The following CD47 variants were observed in gnomAD, a reference collection of about 807,000 sequenced individuals.
CD47 encodes the protein CD47 molecule.
CD47 carries 11 observed loss-of-function variants against 44.6 expected under a neutral mutation model. That is an observed-to-expected ratio of 0.25 (90% CI 0.16 to 0.41). The LOEUF is 0.41. Among genes scored for constraint, CD47 ranks in the 10% least tolerant of loss-of-function variants. The pLI, the probability that CD47 is intolerant of heterozygous loss-of-function variation, is 1.00. For synonymous variants in CD47, 140 were observed against 136.3 expected, an observed-to-expected ratio of 1.03 and a Z score of -0.19; for missense variants, 306 against 386.7, an observed-to-expected ratio of 0.79 and a Z score of 1.75.
At chr3:108,049,532 A>C (rs1245263739) in intron 10 of CD47, 87 bp downstream of exon 10, 1 of 820,050 alleles carries the variant, frequency 1.2e-6, no homozygotes, top group Non-Finnish European at 2.1e-6. Flanking sequence ...TTTTACTAAA[A>C]AAGAGCCACA....
At chr3:108,065,811 C>CAAAAAAAAAAAAAAAAAAAAAAAAAAA (rs58021560) in intron 3 of CD47, among the ~76,000 whole-genome samples, 1 of 61,168 alleles carries the variant, frequency 1.6e-5, no homozygotes, top group Non-Finnish European at 2.9e-5. Context: ...GACTCCGTCT[C>CAAAAAAAAAAAAAAAAAAAAAAAAAAA]AAAAAAAAAA....
chr3:108,084,894 C>T (rs915507414), intron 1 of CD47, among the ~76,000 whole-genome samples: 10 of 152,006 alleles, frequency 6.6e-5, no homozygotes, highest in African/African-American at 2.4e-4. Flanking sequence ...CCCTTCTAAC[C>T]AGCTCCCTGC....
chr3:108,079,199 T>C (rs562812260), intron 2 of CD47, among the ~76,000 whole-genome samples: 1 of 151,986 alleles, frequency 6.6e-6, no homozygotes, highest in Non-Finnish European at 1.5e-5. Context: ...TAATTCTAAA[T>C]AGAGATTTCA....
chr3:108,063,881 A>T (rs539961673), intron 3 of CD47, among the ~76,000 whole-genome samples: 111 of 152,354 alleles, frequency 7.3e-4, no homozygotes, highest in African/African-American at 2.6e-3. Context: ...TTAACAAAAA[A>T]TGTATAACCT....
At chr3:108,087,886 T>C (rs931365321) in intron 1 of CD47, among the ~76,000 whole-genome samples, 5 of 152,188 alleles carry the variant, frequency 3.3e-5, no homozygotes, top group African/African-American at 7.2e-5. Context: ...TCTAGGTATA[T>C]CAGAATCAAA....
At chr3:108,079,806 G>T (rs1482180811) in intron 2 of CD47, among the ~76,000 whole-genome samples, 185 bp downstream of exon 2, 1 of 151,798 alleles carries the variant, frequency 6.6e-6, no homozygotes, top group Admixed American at 6.6e-5. Context: ...GTTTTACCAT[G>T]AAGAGTAGAT....
chr3:108,073,647 T>C (rs746056508), intron 2 of CD47, among the ~76,000 whole-genome samples: 45 of 152,162 alleles, frequency 3.0e-4, no homozygotes, highest in Non-Finnish European at 5.0e-4. Flanking sequence ...GGCAAGACCA[T>C]GTAGAGTCTT....
intron 3 of CD47, among the ~76,000 whole-genome samples, chr3:108,065,608 C>T (rs1392436565): frequency 6.6e-6 from 1 of 151,686 alleles, no homozygotes; most frequent in African/African-American, 2.4e-5. Flanking sequence ...GTCAGGAGTT[C>T]GAGACCAGCC....
intron 3 of CD47, among the ~76,000 whole-genome samples, chr3:108,063,476 T>G (rs2079054770): frequency 6.6e-6 from 1 of 152,200 alleles, no homozygotes; most frequent in Non-Finnish European, 1.5e-5. Flanking sequence ...GGTATCTTGT[T>G]GCTAGCCCAG....
At chr3:108,059,373 A>T (rs1025600672) in intron 5 of CD47, 79 bp downstream of exon 5, 3 of 643,466 alleles carry the variant, frequency 4.7e-6, no homozygotes, top group African/African-American at 3.9e-5. Flanking sequence ...TAAAAAATTT[A>T]TATGAGCATT....
chr3:108,055,100 G>A (rs949304107), intron 7 of CD47, among the ~76,000 whole-genome samples: 13 of 151,872 alleles, frequency 8.6e-5, no homozygotes, highest in African/African-American at 2.9e-4. Context: ...AGTTTAAAAA[G>A]TTAAAAAATA....
At chr3:108,090,840 G>C in intron 1 of CD47, 23 bp downstream of exon 1, 2 of 1,484,330 alleles carry the variant, frequency 1.3e-6, no homozygotes, top group Non-Finnish European at 1.8e-6. Flanking sequence ...CAGCCGCAGG[G>C]CTGGGAGCGA....
intron 3 of CD47, among the ~76,000 whole-genome samples, chr3:108,067,616 T>C (rs998289186): frequency 1.3e-5 from 2 of 152,198 alleles, no homozygotes; most frequent in African/African-American, 4.8e-5. Flanking sequence ...CGTCTGAAAT[T>C]CAATACTATC....
At chr3:108,052,255 G>T in intron 7 of CD47, 1 of 286,520 alleles carries the variant, frequency 3.5e-6, no homozygotes. Flanking sequence ...TGTTACACTG[G>T]CTGGTGGGAA....
chr3:108,051,518 A>G (rs1445338227), intron 8 of CD47, among the ~76,000 whole-genome samples: 1 of 152,194 alleles, frequency 6.6e-6, no homozygotes, highest in Non-Finnish European at 1.5e-5. Context: ...ATTTACATTT[A>G]TTTTATAGAT....
chr3:108,083,418 CA>C (rs1226808793), intron 1 of CD47, among the ~76,000 whole-genome samples: 8 of 151,956 alleles, frequency 5.3e-5, no homozygotes. Context: ...AAAATGCAAT[CA>C]ACATTTGTCA....
At chr3:108,058,164 T>C (rs2078946925) in intron 6 of CD47, among the ~76,000 whole-genome samples, 173 bp downstream of exon 6, 1 of 151,786 alleles carries the variant, frequency 6.6e-6, no homozygotes, top group Non-Finnish European at 1.5e-5. Flanking sequence ...TATGTCCACA[T>C]AAAAATATCC....
intron 6 of CD47, among the ~76,000 whole-genome samples, chr3:108,057,985 G>A (rs934545199): frequency 6.6e-6 from 1 of 152,150 alleles, no homozygotes; most frequent in African/African-American, 2.4e-5. Context: ...AGCTCAGAAT[G>A]CTAAATGCTG....
intron 1 of CD47, among the ~76,000 whole-genome samples, chr3:108,085,890 T>C (rs2079511799): frequency 6.6e-6 from 1 of 152,184 alleles, no homozygotes. Flanking sequence ...ATAGACTTGA[T>C]TATGAAATCA....
Sources: allele counts gnomAD v4.1 joint callset (sites outside exome capture counted in the v4.1 genomes callset), GRCh38; gene constraint gnomAD v4.1.1; transcripts MANE v1.5; gene names NCBI Gene and HGNC (gene_info 2026-07-23, HGNC 2026-07-21).